Variants in NRG1 observed in about 807,000 individuals in gnomAD.
The protein encoded by NRG1 is pro-neuregulin-1, membrane-bound isoform.
Under a neutral mutation model 63.8 loss-of-function variants are expected in NRG1, and 18 were observed. The ratio of observed to expected loss-of-function variants is 0.28; its 90% confidence interval spans 0.19 to 0.42. NRG1 has a LOEUF of 0.42. Among genes scored for constraint, NRG1 ranks in the 10% least tolerant of loss-of-function variants. The pLI is 1.00. For missense variants in NRG1, 762 were observed against 814.7 expected, an observed-to-expected ratio of 0.94 and a Z score of 0.79; for synonymous variants, 302 against 301.3, an observed-to-expected ratio of 1.00 and a Z score of -0.02.
chr8:32,657,397 G>A (rs2466049), intron 5 of NRG1, among the ~76,000 whole-genome samples: 15,479 of 151,656 alleles, frequency 0.1, 904 homozygotes, highest in African/African-American at 0.15. Flanking sequence ...AGGGCACATG[G>A]CTCCACACTT....
At chr8:31,857,865 A>G (rs921434562) in intron 1 of NRG1, among the ~76,000 whole-genome samples, 4 of 152,198 alleles carry the variant, frequency 2.6e-5, no homozygotes, top group African/African-American at 9.7e-5. Flanking sequence ...TGGCCCAGGA[A>G]CTAACGAACA....
chr8:31,674,771 A>G (rs1325599794), intron 1 of NRG1, among the ~76,000 whole-genome samples: 3 of 152,222 alleles, frequency 2.0e-5, no homozygotes, highest in South Asian at 2.1e-4. Flanking sequence ...TACCAAAGCC[A>G]TGATAGACTC....
intron 1 of NRG1, among the ~76,000 whole-genome samples, chr8:32,016,997 A>G (rs1815645499): frequency 6.6e-6 from 1 of 152,206 alleles, no homozygotes; most frequent in Non-Finnish European, 1.5e-5. Context: ...CACAAATACT[A>G]TTTCTAGGAT....
At chr8:31,816,842 A>C (rs1471858682) in intron 1 of NRG1, among the ~76,000 whole-genome samples, 1 of 152,168 alleles carries the variant, frequency 6.6e-6, no homozygotes, top group Non-Finnish European at 1.5e-5. Context: ...TGTTTCCCTG[A>C]CATTTTTCCT....
intron 1 of NRG1, among the ~76,000 whole-genome samples, chr8:32,502,446 A>C (rs995586680): frequency 2.4e-5 from 1 of 42,202 alleles, no homozygotes; most frequent in Non-Finnish European, 4.9e-5. Context: ...CATTTAACCC[A>C]TATCAACTAC....
At chr8:32,093,087 A>G (rs965476552) in intron 1 of NRG1, among the ~76,000 whole-genome samples, 3 of 152,180 alleles carry the variant, frequency 2.0e-5, no homozygotes, top group African/African-American at 4.8e-5. Flanking sequence ...TATTGTGTCT[A>G]TGTAGAAAGA....
chr8:32,625,951 G>A (rs535488844), intron 5 of NRG1, among the ~76,000 whole-genome samples: 100 of 151,956 alleles, frequency 6.6e-4, no homozygotes, highest in African/African-American at 2.3e-3. Flanking sequence ...GTGCCACCAC[G>A]CCTGGCTAAT....
Position 31,865,939 on chromosome 8 carries a change from G to A in NRG1, c.37+226508G>A, listed in dbSNP as rs535449584. ...ACTTTTTACATTTTGAGATCTTATT[G>A]TTTGATGCTCCACGTTGAGGGAGCC... On this transcript the variant is annotated intron_variant, in intron 1 of 10. Coordinates refer to the NRG1 transcript ENST00000519301. Among the ~76,000 whole-genome samples the A allele has an allele frequency of 7.9e-4, 120 of 152,266 alleles. 2 individuals carry two copies. The highest frequency in any genetic ancestry group is 2.8e-3 in the African/African-American group (117 of 41,566).
intron 1 of NRG1, among the ~76,000 whole-genome samples, chr8:32,353,240 GTTA>G (rs1386252650): frequency 2.0e-5 from 3 of 150,132 alleles, no homozygotes; most frequent in Non-Finnish European, 4.4e-5. Context: ...AATAACAATT[GTTA>G]TTATTATGAT....
intron 6 of NRG1, among the ~76,000 whole-genome samples, chr8:32,736,449 C>T (rs1180925513): frequency 1.3e-5 from 2 of 152,144 alleles, no homozygotes; most frequent in Non-Finnish European, 2.9e-5. Context: ...GACACTGCCA[C>T]CTCGAGTTTA....
At chr8:31,984,699 T>C (rs1218038601) in intron 1 of NRG1, among the ~76,000 whole-genome samples, 3 of 152,092 alleles carry the variant, frequency 2.0e-5, no homozygotes, top group Non-Finnish European at 4.4e-5. Flanking sequence ...CAGCCAAGAT[T>C]ATGATGAAAA....
chr8:32,196,140 T>C (rs1293344474), intron 1 of NRG1, among the ~76,000 whole-genome samples: 2 of 151,728 alleles, frequency 1.3e-5, no homozygotes, highest in African/African-American at 4.8e-5. Context: ...TGTGTGTGTG[T>C]GTGTGTGTGT....
At chr8:32,499,309 A>G (rs903676454) in intron 1 of NRG1, among the ~76,000 whole-genome samples, 77 of 152,240 alleles carry the variant, frequency 5.1e-4, no homozygotes, top group African/African-American at 1.7e-3. Context: ...AAACAAAAGA[A>G]AAACAAAGAT....
chr8:31,672,289 A>C (rs1343638216), intron 1 of NRG1, among the ~76,000 whole-genome samples: 2 of 152,182 alleles, frequency 1.3e-5, no homozygotes, highest in Non-Finnish European at 2.9e-5. Context: ...GCTTGGTAGT[A>C]GACAAACCAT....
At chr8:32,305,833 C>A (rs550068989) in intron 1 of NRG1, among the ~76,000 whole-genome samples, 2 of 152,244 alleles carry the variant, frequency 1.3e-5, no homozygotes, top group South Asian at 4.1e-4. Context: ...TGTTCAAGTT[C>A]TTGCATTGCC....
chr8:32,761,251 A>G (rs1489076738), intron 11 of NRG1, among the ~76,000 whole-genome samples: 1 of 152,136 alleles, frequency 6.6e-6, no homozygotes, highest in East Asian at 1.9e-4. Flanking sequence ...ACCTGTTCCT[A>G]TTTGTTTGCA....
At chr8:31,863,133 A>G (rs1828628164) in intron 1 of NRG1, among the ~76,000 whole-genome samples, 1 of 152,148 alleles carries the variant, frequency 6.6e-6, no homozygotes. Context: ...AAGCACATTC[A>G]CACCACTCAG....
Position 32,455,887 on chromosome 8 carries a change from C to T in NRG1, c.38-139941C>T, listed in dbSNP as rs1411511364. ...ACTGCGGCCTCCACCCCAGTTCAAG[C>T]AATTTCATGCTCAGCCTCTGAGTAG... On this transcript the variant is annotated intron_variant, in intron 1 of 10. Transcript: ENST00000519301. Among the ~76,000 whole-genome samples, 4 of 152,154 alleles carry T rather than the reference C, an allele frequency of 2.6e-5. No homozygotes were observed. The East Asian group carries it at 7.7e-4, about 29-fold the overall frequency.
intron 1 of NRG1, among the ~76,000 whole-genome samples, chr8:31,678,553 T>C (rs1169931354): frequency 6.6e-6 from 1 of 151,904 alleles, no homozygotes; most frequent in Non-Finnish European, 1.5e-5. Flanking sequence ...CACTTACGCT[T>C]TTTCCATATA....
Sources: allele counts gnomAD v4.1 joint callset (sites outside exome capture counted in the v4.1 genomes callset), GRCh38; gene constraint gnomAD v4.1.1; transcripts MANE v1.5; gene names NCBI Gene and HGNC (gene_info 2026-07-23, HGNC 2026-07-21).